The following BTBD9 variants were observed in gnomAD, a reference collection of about 807,000 sequenced individuals.
The protein encoded by BTBD9 is BTB/POZ domain-containing protein 9.
In BTBD9, 49 loss-of-function variants were observed where a neutral mutation model predicts 64.3. The observed-to-expected ratio is 0.76, with a 90% confidence interval of 0.61 to 0.97. The LOEUF is 0.97. Among genes scored for constraint, BTBD9 ranks in the 50% least tolerant of loss-of-function variants. BTBD9 has a pLI of 0.00. For synonymous variants in BTBD9, 260 were observed against 274.7 expected, an observed-to-expected ratio of 0.95 and a Z score of 0.53; for missense variants, 598 against 762.1, an observed-to-expected ratio of 0.78 and a Z score of 2.53.
chr6:38,306,662 T>C (rs1762636124), intron 7 of BTBD9, among the ~76,000 whole-genome samples: 1 of 152,180 alleles, frequency 6.6e-6, no homozygotes, highest in Non-Finnish European at 1.5e-5. Flanking sequence ...TCAGGAGTAA[T>C]AAATTTTTTA....
chr6:38,213,537 T>C (rs1278288744), intron 9 of BTBD9, among the ~76,000 whole-genome samples: 1 of 152,178 alleles, frequency 6.6e-6, no homozygotes, highest in Non-Finnish European at 1.5e-5. Flanking sequence ...TAAAGGCCCT[T>C]TCCGGGATCT....
intron 10 of BTBD9, among the ~76,000 whole-genome samples, chr6:38,175,439 C>T (rs566092585): frequency 6.6e-6 from 1 of 152,298 alleles, no homozygotes; most frequent in East Asian, 1.9e-4. Flanking sequence ...CACGGATTCC[C>T]ACAAAATCTT....
intron 6 of BTBD9, among the ~76,000 whole-genome samples, chr6:38,351,990 G>T (rs975149760): frequency 2.0e-5 from 3 of 152,082 alleles, no homozygotes; most frequent in Non-Finnish European, 4.4e-5. Flanking sequence ...GATCTAAAAT[G>T]TATTTAATTC....
intron 10 of BTBD9, among the ~76,000 whole-genome samples, chr6:38,179,070 C>T (rs1442652919): frequency 6.6e-6 from 1 of 152,090 alleles, no homozygotes; most frequent in Admixed American, 6.5e-5. Flanking sequence ...CCAGGATGGT[C>T]TTGATCTCTT....
intron 6 of BTBD9, among the ~76,000 whole-genome samples, chr6:38,490,707 A>C (rs1310709954): frequency 6.6e-6 from 1 of 152,212 alleles, no homozygotes; most frequent in African/African-American, 2.4e-5. Flanking sequence ...CAGAATCCAC[A>C]ACCCCAGAGA....
rs1047288318 is a variant in BTBD9 at position 38,301,379 on chromosome 6, T to C, written c.1265-12918A>G. Among the ~76,000 whole-genome samples the C allele has an allele frequency of 2.6e-5, 4 of 152,194 alleles. No homozygotes were observed. The East Asian group carries it at 5.8e-4, about 22-fold the overall frequency. On this transcript the variant is annotated intron_variant, in intron 7 of 10. Transcript: ENST00000481247. ...TCAGGATGATGCTGGCCTCATAAAA[T>C]GAGTTAGGGAGGATTCCCTCTTTTT...
At chr6:38,413,891 T>A (rs1767549597) in intron 6 of BTBD9, among the ~76,000 whole-genome samples, 1 of 152,142 alleles carries the variant, frequency 6.6e-6, no homozygotes. Context: ...TAATAATCCA[T>A]AAAATGGTTG....
intron 6 of BTBD9, among the ~76,000 whole-genome samples, chr6:38,359,278 A>G (rs1764858903): frequency 1.3e-5 from 2 of 152,188 alleles, no homozygotes; most frequent in Admixed American, 1.3e-4. Flanking sequence ...AAACTGGGCA[A>G]CATTCAAATT....
intron 9 of BTBD9, among the ~76,000 whole-genome samples, chr6:38,251,091 A>AT (rs200616927): frequency 0.081 from 12,161 of 150,460 alleles, 927 homozygotes; most frequent in East Asian, 0.43. Flanking sequence ...CAGAAAAAAA[A>AT]AAAATAATAA....
At chr6:38,448,688 T>C (rs1298744487) in intron 6 of BTBD9, among the ~76,000 whole-genome samples, 1 of 152,158 alleles carries the variant, frequency 6.6e-6, no homozygotes, top group East Asian at 1.9e-4. Flanking sequence ...TGGCTAATTT[T>C]TGTACTTTTA....
At chr6:38,398,378 G>A (rs990184554) in intron 6 of BTBD9, among the ~76,000 whole-genome samples, 22 of 152,078 alleles carry the variant, frequency 1.4e-4, no homozygotes, top group Admixed American at 1.2e-3. Flanking sequence ...TCAGATAACT[G>A]TGTGCATGGC....
chr6:38,423,268 C>T (rs903611234), intron 6 of BTBD9, among the ~76,000 whole-genome samples: 3 of 151,934 alleles, frequency 2.0e-5, no homozygotes, highest in East Asian at 1.9e-4. Context: ...CTGTCCCCCC[C>T]AAAAAATACA....
At chr6:38,514,075 G>A (rs1450101198) in intron 6 of BTBD9, among the ~76,000 whole-genome samples, 2 of 152,222 alleles carry the variant, frequency 1.3e-5, no homozygotes, top group Non-Finnish European at 2.9e-5. Flanking sequence ...AAGAAGAGCT[G>A]CTACCAATAG....
At chr6:38,547,529 C>G (rs1774607610) in intron 6 of BTBD9, among the ~76,000 whole-genome samples, 1 of 152,168 alleles carries the variant, frequency 6.6e-6, no homozygotes, top group Non-Finnish European at 1.5e-5. Flanking sequence ...ACAATTTCAC[C>G]TTCTCTATCC....
chr6:38,233,343 A>G (rs1309678777), intron 9 of BTBD9, among the ~76,000 whole-genome samples: 2 of 152,232 alleles, frequency 1.3e-5, no homozygotes, highest in Non-Finnish European at 2.9e-5. Context: ...TCAAAGATGA[A>G]TAAGACATGG....
At chr6:38,360,859 G>C (rs1764925521) in intron 6 of BTBD9, among the ~76,000 whole-genome samples, 1 of 152,142 alleles carries the variant, frequency 6.6e-6, no homozygotes, top group Admixed American at 6.5e-5. Flanking sequence ...AGTCAAAAGA[G>C]GGATTTGTTT....
chr6:38,220,745 C>T (rs1045493177), intron 9 of BTBD9, among the ~76,000 whole-genome samples: 8 of 152,284 alleles, frequency 5.3e-5, no homozygotes, highest in Admixed American at 1.3e-4. Context: ...AAAATGCAGC[C>T]GAAAGAATAG....
intron 4 of BTBD9, among the ~76,000 whole-genome samples, chr6:38,590,355 A>G (rs1382993662): frequency 1.3e-5 from 2 of 152,226 alleles, no homozygotes; most frequent in Non-Finnish European, 1.5e-5. Context: ...AGGAGATATA[A>G]AAGGTAAAAT....
At chr6:38,302,620 G>A (rs1762459920) in intron 7 of BTBD9, among the ~76,000 whole-genome samples, 1 of 150,656 alleles carries the variant, frequency 6.6e-6, no homozygotes, top group Admixed American at 6.6e-5. Context: ...TGGGAGTGAA[G>A]ATATCTCTGT....
Sources: gnomAD v4.1 joint callset for allele counts (sites outside exome capture counted in the v4.1 genomes callset) on GRCh38, gnomAD v4.1.1 for gene constraint, MANE v1.5 for transcripts, NCBI Gene and HGNC (gene_info 2026-07-23, HGNC 2026-07-21) for gene names.